NPAS3: variants seen among roughly 807,000 people sequenced by gnomAD.
NPAS3 encodes the protein neuronal PAS domain protein 3.
A neutral mutation model predicts 73.1 loss-of-function variants in NPAS3; 14 were observed. The observed-to-expected ratio is 0.19, with a 90% CI of 0.13 to 0.30. NPAS3 has a LOEUF of 0.30. Among genes scored for constraint, NPAS3 ranks in the 10% least tolerant of loss-of-function variants. The pLI is 1.00. For synonymous variants in NPAS3, 620 were observed against 541.5 expected (o/e 1.14, Z -2.01); for missense variants, 1,096 against 1,250.0 (o/e 0.88, Z 1.86).
intron 3 of NPAS3, among the ~76,000 whole-genome samples, chr14:33,313,097 G>A (rs1213986541): frequency 6.6e-6 from 1 of 152,012 alleles, no homozygotes; most frequent in Non-Finnish European, 1.5e-5. Context: ...AGTACAATAA[G>A]TTTTTCCCTA....
chr14:33,761,056 A>G (rs1265813574), intron 7 of NPAS3, among the ~76,000 whole-genome samples: 1 of 152,230 alleles, frequency 6.6e-6, no homozygotes, highest in Non-Finnish European at 1.5e-5. Context: ...ACCAAGAACT[A>G]CATCAAATAG....
chr14:33,466,878 GAC>G, intron 4 of NPAS3, among the ~76,000 whole-genome samples: 1 of 152,052 alleles, frequency 6.6e-6, no homozygotes, highest in Non-Finnish European at 1.5e-5. Flanking sequence ...CCCCACCTCC[GAC>G]ACTGGGGATT....
chr14:33,188,972 C>A (rs1304121714), intron 2 of NPAS3, among the ~76,000 whole-genome samples: 1 of 152,034 alleles, frequency 6.6e-6, no homozygotes, highest in African/African-American at 2.4e-5. Flanking sequence ...TCCTCAATAG[C>A]CTTTATTTGC....
chr14:33,773,777 C>T (rs8017055), intron 7 of NPAS3, among the ~76,000 whole-genome samples: 30,731 of 152,190 alleles, frequency 0.2, 3,682 homozygotes, highest in Non-Finnish European at 0.27. Flanking sequence ...AATCACTGTA[C>T]CACTGGGAAC....
chr14:33,183,441 T>G (rs1318079475), intron 2 of NPAS3, among the ~76,000 whole-genome samples: 14 of 99,340 alleles, frequency 1.4e-4, no homozygotes, highest in Non-Finnish European at 3.1e-4. Context: ...TTTTTTTTTT[T>G]TTTTTTTTTT....
chr14:32,986,177 G>T (rs1206976570), intron 1 of NPAS3, among the ~76,000 whole-genome samples: 1 of 152,132 alleles, frequency 6.6e-6, no homozygotes, highest in Non-Finnish European at 1.5e-5. Context: ...ACTCTGATTT[G>T]TATGATTTAG....
At chr14:33,312,813 C>T (rs910038361) in intron 3 of NPAS3, among the ~76,000 whole-genome samples, 4 of 149,936 alleles carry the variant, frequency 2.7e-5, no homozygotes, top group South Asian at 2.1e-4. Flanking sequence ...GAGAGAGATA[C>T]GTAGATATAG....
At chr14:33,200,456 G>C (rs2046572247) in intron 2 of NPAS3, among the ~76,000 whole-genome samples, 1 of 151,874 alleles carries the variant, frequency 6.6e-6, no homozygotes, top group Non-Finnish European at 1.5e-5. Flanking sequence ...TCCATTTTAT[G>C]CCTCTTTGCC....
chr14:33,058,430 C>G (rs774207548), intron 2 of NPAS3, among the ~76,000 whole-genome samples: 6 of 152,136 alleles, frequency 3.9e-5, no homozygotes, highest in Non-Finnish European at 8.8e-5. Context: ...TCCATGAAAG[C>G]AGGTGCATCT....
chr14:33,715,778 T>C (rs1301490935), intron 6 of NPAS3, among the ~76,000 whole-genome samples: 1 of 152,198 alleles, frequency 6.6e-6, no homozygotes, highest in East Asian at 1.9e-4. Flanking sequence ...TCCCCACGTG[T>C]CATTCGAGGG....
chr14:33,046,044 A>G (rs2040495684), intron 1 of NPAS3, among the ~76,000 whole-genome samples: 1 of 152,236 alleles, frequency 6.6e-6, no homozygotes, highest in African/African-American at 2.4e-5. Flanking sequence ...CAAAACAACA[A>G]GAAGATTTAT....
chr14:33,752,161 C>T (rs2061982453), intron 7 of NPAS3, among the ~76,000 whole-genome samples: 1 of 152,278 alleles, frequency 6.6e-6, no homozygotes, highest in South Asian at 2.1e-4. Flanking sequence ...TAGGCTTTAC[C>T]TTTCTATAAA....
intron 4 of NPAS3, among the ~76,000 whole-genome samples, chr14:33,428,091 C>A (rs958392510): frequency 1.3e-5 from 2 of 151,966 alleles, no homozygotes; most frequent in Non-Finnish European, 2.9e-5. Context: ...TTAGAATATA[C>A]CTGAGGCCTT....
chr14:33,198,999 C>T (rs1035397447), intron 2 of NPAS3, among the ~76,000 whole-genome samples: 3 of 152,256 alleles, frequency 2.0e-5, no homozygotes, highest in Non-Finnish European at 2.9e-5. Context: ...CCACACTGTC[C>T]GTGGCCGGCG....
intron 3 of NPAS3, among the ~76,000 whole-genome samples, chr14:33,333,410 G>A (rs1188173933): frequency 6.6e-6 from 1 of 152,108 alleles, no homozygotes; most frequent in East Asian, 1.9e-4. Context: ...AATTTATAAA[G>A]CACTTTTACC....
At chr14:33,406,676 A>C (rs1383863338) in intron 4 of NPAS3, among the ~76,000 whole-genome samples, 1 of 152,136 alleles carries the variant, frequency 6.6e-6, no homozygotes, top group East Asian at 1.9e-4. Flanking sequence ...AAAATATGAA[A>C]TCAAACACCA....
intron 4 of NPAS3, among the ~76,000 whole-genome samples, chr14:33,379,940 A>T (rs1424469704): frequency 2.0e-5 from 3 of 151,692 alleles, no homozygotes. Context: ...TTTTAAAGAC[A>T]AAGATTATTA....
chr14:33,310,763 T>A (rs2042966927), intron 3 of NPAS3, among the ~76,000 whole-genome samples: 1 of 147,824 alleles, frequency 6.8e-6, no homozygotes, highest in Admixed American at 6.8e-5. Flanking sequence ...TGGAGTTGAC[T>A]GAAATTCAGT....
intron 2 of NPAS3, among the ~76,000 whole-genome samples, chr14:33,168,737 T>TCCTCTTCC (rs202140513): frequency 2.6e-5 from 4 of 152,270 alleles, no homozygotes; most frequent in South Asian, 2.1e-4. Context: ...CACACCTATG[T>TCCTCTTCC]CCTCTTCCCC....
Sources: gnomAD v4.1 joint callset for allele counts (sites outside exome capture counted in the v4.1 genomes callset) on GRCh38, gnomAD v4.1.1 for gene constraint, MANE v1.5 for transcripts, NCBI Gene and HGNC (gene_info 2026-07-23, HGNC 2026-07-21) for gene names.